EYS: variants seen among roughly 807,000 people sequenced by gnomAD.
EYS encodes protein eyes shut homolog.
EYS carries 250 observed loss-of-function variants against 282.1 expected under a neutral mutation model. That is an observed-to-expected ratio of 0.89 (90% CI 0.80 to 0.98). EYS has a LOEUF of 0.98. Among genes scored for constraint, EYS ranks in the 50% least tolerant of loss-of-function variants. The probability of loss-of-function intolerance (pLI) is 0.00; values close to 1 mark genes in which losing one functional copy is unlikely to be tolerated. For synonymous variants in EYS, 1,355 were observed against 1,282.9 expected, an observed-to-expected ratio of 1.06 and a Z score of -1.20; for missense variants, 4,016 against 3,709.0, an observed-to-expected ratio of 1.08 and a Z score of -2.15.
At chr6:64,278,406 G>A (rs1356892400) in intron 30 of EYS, among the ~76,000 whole-genome samples, 4 of 151,860 alleles carry the variant, frequency 2.6e-5, no homozygotes, top group Non-Finnish European at 5.9e-5. Flanking sequence ...ACTTTATAAT[G>A]TCTGACATAT....
intron 36 of EYS, among the ~76,000 whole-genome samples, chr6:63,846,276 G>T (rs1388836453): frequency 6.6e-6 from 1 of 152,118 alleles, no homozygotes; most frequent in Non-Finnish European, 1.5e-5. Flanking sequence ...ATTCCTCCGG[G>T]AAGCCCCCTT....
At chr6:63,912,481 T>C (rs1304059436) in intron 35 of EYS, among the ~76,000 whole-genome samples, 1 of 152,226 alleles carries the variant, frequency 6.6e-6, no homozygotes, top group Non-Finnish European at 1.5e-5. Flanking sequence ...GTTAATGATA[T>C]ATTTTACTTT....
chr6:64,533,950 A>T (rs75703257), intron 26 of EYS, among the ~76,000 whole-genome samples: 4,862 of 152,080 alleles, frequency 0.032, 204 homozygotes, highest in East Asian at 0.13. Flanking sequence ...TGACAAGAGG[A>T]CATAGAGAGA....
At chr6:65,639,724 G>A (rs1767214408) in intron 2 of EYS, 54 bp downstream of exon 2, 1 of 152,068 alleles carries the variant, frequency 6.6e-6, no homozygotes. Flanking sequence ...CAGGGAATGA[G>A]GCAAGATTAT....
At chr6:65,461,931 T>C (rs927545281) in intron 5 of EYS, among the ~76,000 whole-genome samples, 3 of 152,124 alleles carry the variant, frequency 2.0e-5, no homozygotes, top group African/African-American at 7.2e-5. Context: ...AGCAATGCTA[T>C]TCTTGGGTAT....
At chr6:64,609,523 C>T (rs544504471) in intron 24 of EYS, among the ~76,000 whole-genome samples, 5 of 152,196 alleles carry the variant, frequency 3.3e-5, no homozygotes, top group South Asian at 4.1e-4. Flanking sequence ...TTGTAGACTA[C>T]GGCAAAGTTG....
At chr6:64,416,115 G>A (rs962774885) in intron 28 of EYS, among the ~76,000 whole-genome samples, 2 of 152,154 alleles carry the variant, frequency 1.3e-5, no homozygotes, top group Admixed American at 1.3e-4. Context: ...CTTCGCACAT[G>A]AATTTCTTCA....
intron 16 of EYS, among the ~76,000 whole-genome samples, chr6:64,905,329 G>A (rs554431719): frequency 5.3e-5 from 8 of 152,286 alleles, no homozygotes; most frequent in Admixed American, 2.0e-4. Context: ...GAAGTTACAG[G>A]TAAGAAACTG....
At chr6:65,448,392 T>C (rs1764274967) in intron 5 of EYS, among the ~76,000 whole-genome samples, 1 of 151,862 alleles carries the variant, frequency 6.6e-6, no homozygotes, top group Non-Finnish European at 1.5e-5. Context: ...TAGCCCAAAC[T>C]GTAAGAGGAA....
chr6:64,823,632 G>T (rs971830133), intron 19 of EYS, among the ~76,000 whole-genome samples: 3 of 151,912 alleles, frequency 2.0e-5, no homozygotes, highest in Admixed American at 6.6e-5. Context: ...TGCCCTTAAG[G>T]CTTCCTGCAC....
chr6:64,066,112 C>CA (rs1202650985), intron 33 of EYS, among the ~76,000 whole-genome samples: 1 of 151,894 alleles, frequency 6.6e-6, no homozygotes, highest in East Asian at 1.9e-4. Flanking sequence ...AACAAACAAA[C>CA]AACAACAACA....
At chr6:64,820,182 T>C (rs992245503) in intron 21 of EYS, among the ~76,000 whole-genome samples, 1 of 152,024 alleles carries the variant, frequency 6.6e-6, no homozygotes, top group Non-Finnish European at 1.5e-5. Context: ...GAATGATTCC[T>C]AAGATATACT....
At chr6:65,493,416 G>T (rs66772844) in intron 4 of EYS, among the ~76,000 whole-genome samples, 32,247 of 152,004 alleles carry the variant, frequency 0.21, 3,770 homozygotes, top group Middle Eastern at 0.32. Flanking sequence ...TGCTGTTTTC[G>T]TATACTATTA....
chr6:63,840,004 A>G (rs1771910501), intron 36 of EYS, among the ~76,000 whole-genome samples: 1 of 145,396 alleles, frequency 6.9e-6, no homozygotes, highest in African/African-American at 2.5e-5. Flanking sequence ...GGGCATTTGT[A>G]TATCTTCTTT....
intron 35 of EYS, among the ~76,000 whole-genome samples, chr6:63,912,585 T>C (rs1764283304): frequency 6.6e-6 from 1 of 152,204 alleles, no homozygotes; most frequent in African/African-American, 2.4e-5. Flanking sequence ...AGTGATATGG[T>C]TTAGATGTGT....
rs1206508310 is a variant in EYS at position 65,001,118 on chromosome 6, T to TCTCTACCCAGCAGTCGCCCA, written c.2138-3416_2138-3415insTGGGCGACTGCTGGGTAGAG. ...CCCCAGTGTTACAATGCTCTCAGCCTTGCTGTCCGCAGATGGCTTTAAGGG... is the reference window on the plus strand; with the variant it reads ...CCCCAGTGTTACAATGCTCTCAGCCTCTCTACCCAGCAGTCGCCCATGCTGTCCGCAGATGGCTTTAAGGG... On this transcript the variant is annotated intron_variant, in intron 13 of 42. Coordinates refer to ENST00000503581, the MANE Select transcript of EYS (RefSeq NM_001142800.2). Among the ~76,000 whole-genome samples the TCTCTACCCAGCAGTCGCCCA allele has an allele frequency of 6.3e-4, 75 of 119,244 alleles. 2 individuals are homozygous for TCTCTACCCAGCAGTCGCCCA. Among genetic ancestry groups the TCTCTACCCAGCAGTCGCCCA allele is most frequent in the Non-Finnish European group, 9.0e-4 (44 of 49,132 alleles). The allele number at this position is 119,244 out of a possible 152,430, so 78.2% of individuals were successfully genotyped here.
At chr6:63,778,294 T>C (rs543672734) in intron 39 of EYS, 114 bp from the exon 40 acceptor site, 14 of 1,099,256 alleles carry the variant, frequency 1.3e-5, no homozygotes, top group Non-Finnish European at 1.8e-5. Context: ...GTAATACATG[T>C]AAATTTTAAA....
intron 13 of EYS, among the ~76,000 whole-genome samples, chr6:65,044,944 A>G (rs538806459): frequency 1.3e-5 from 2 of 151,910 alleles, no homozygotes; most frequent in East Asian, 1.9e-4. Context: ...CTGCCCATAC[A>G]TATCAGACTG....
At chr6:65,477,831 G>A (rs1765466387) in intron 5 of EYS, among the ~76,000 whole-genome samples, 1 of 151,938 alleles carries the variant, frequency 6.6e-6, no homozygotes, top group African/African-American at 2.4e-5. Flanking sequence ...AATAAAACAT[G>A]GAGAGAAAGC....
Sources: allele counts gnomAD v4.1 joint callset (sites outside exome capture counted in the v4.1 genomes callset), GRCh38; gene constraint gnomAD v4.1.1; transcripts MANE v1.5; gene names NCBI Gene and HGNC (gene_info 2026-07-23, HGNC 2026-07-21).